Variants in CASZ1 observed in about 807,000 individuals in gnomAD.
CASZ1 encodes castor zinc finger 1.
CASZ1 carries 28 observed loss-of-function variants against 135.2 expected under a neutral mutation model. The ratio of observed to expected loss-of-function variants is 0.21; its 90% CI spans 0.15 to 0.28. The LOEUF (loss-of-function observed/expected upper bound fraction) is 0.28, where lower values mean the gene tolerates loss of function less well. Among genes scored for constraint, CASZ1 ranks in the 10% least tolerant of loss-of-function variants. CASZ1 has a pLI of 1.00. For missense variants in CASZ1, 2,161 were observed against 2,453.3 expected (o/e 0.88, Z 2.52); for synonymous variants, 1,068 against 1,073.4 (o/e 0.99, Z 0.10).
At position 10,709,363 on chromosome 1, in the gene CASZ1, G is replaced by A. The variant is rs892663029; in HGVS notation, c.-76-3819C>T. Among the ~76,000 whole-genome samples the A allele has an allele frequency of 2.6e-5, 4 of 152,062 alleles. No individual in the cohort carries two copies. Among genetic ancestry groups the A allele is most frequent in the Non-Finnish European group, 5.9e-5 (4 of 67,990 alleles). On this transcript the variant is annotated intron_variant, in intron 2 of 20. Transcript: ENST00000377022. This position sits in a 1 kb window ranked among gnomAD's most constrained non-coding sequence, Gnocchi z 5.1. ...GGCCAGCCCTTTCACAGGGGCTGGG[G>A]CCATGTCAGCCCGGCAGTGTGAGGA...
intron 17 of CASZ1, among the ~76,000 whole-genome samples, chr1:10,645,832 C>T (rs1356657264): frequency 8.5e-5 from 13 of 152,098 alleles, no homozygotes; most frequent in Non-Finnish European, 1.8e-4. Context: ...AAAAAGGGGG[C>T]ATAAAGCTAG....
intron 7 of CASZ1, 112 bp from the exon 8 acceptor site, chr1:10,656,848 G>A (rs1301655015): frequency 2.9e-6 from 2 of 697,716 alleles, no homozygotes; most frequent in Non-Finnish European, 5.0e-6. Context: ...ATGCAGAGGG[G>A]AGGTGAAGTT....
Position 10,777,523 on chromosome 1 carries a change from G to A in CASZ1, c.-233-16666C>T, listed in dbSNP as rs965055639. ...CCTGGGGCAGGGGACCAAGTGATAC[G>A]CGAAAAACAGACGGAAGACCCCGTT... On this transcript the variant is annotated intron_variant, in intron 1 of 20. Coordinates refer to ENST00000377022, the MANE Select transcript of CASZ1 (RefSeq NM_001079843.3). The surrounding 1 kb of genome is among the most constrained non-coding windows in gnomAD (Gnocchi z 4.4). Among the ~76,000 whole-genome samples, 3 of 152,194 alleles carry A rather than the reference G, an allele frequency of 2.0e-5. No individual in the cohort carries two copies. Among genetic ancestry groups the A allele is most frequent in the Admixed American group, 1.3e-4 (2 of 15,286 alleles).
rs1326182290 is a variant in CASZ1 at position 10,647,816 on chromosome 1, A to C, written c.3482T>G (p.Leu1161Arg). The C allele has an allele frequency of 6.2e-7, 1 of 1,613,528 alleles. No individual in the cohort carries two copies. The stretch of plus-strand genomic sequence containing the variant: ...AGGGACTCACTTCTCCTGGAACTGG[A>C]GGAATCCGGGTTTGACCTGGGGCTT... ...NAKPQVKPGF[L>R]QFQENDPCLA... Residue 1161 changes from leucine to arginine, a missense_variant, in exon 16 of 21, where the codon CTC becomes CGC. Transcript: ENST00000377022. The surrounding 1 kb of genome is among the most constrained non-coding windows in gnomAD (Gnocchi z 4.9).
chr1:10,678,513 G>T (rs546395927), intron 4 of CASZ1, among the ~76,000 whole-genome samples: 1 of 152,154 alleles, frequency 6.6e-6, no homozygotes, highest in Non-Finnish European at 1.5e-5. Context: ...GCCCGAGGCC[G>T]GGGCTGAAGA....
At position 10,726,794 on chromosome 1, in the gene CASZ1, T is replaced by G. The variant is rs1304551153; in HGVS notation, c.-76-21250A>C. On this transcript the variant is annotated intron_variant, in intron 2 of 20. Coordinates refer to ENST00000377022, the MANE Select transcript of CASZ1 (RefSeq NM_001079843.3). This position sits in a 1 kb window ranked among gnomAD's most constrained non-coding sequence, Gnocchi z 5.7. ...CTTGCTGCAGCAATCACCCAGGCCCTGAAGAGAGGCCAGGGAGAGGCTAGC... is the reference window on the plus strand; with the variant it reads ...CTTGCTGCAGCAATCACCCAGGCCCGGAAGAGAGGCCAGGGAGAGGCTAGC... Among the ~76,000 whole-genome samples the G allele has an allele frequency of 3.3e-5, 5 of 152,056 alleles. No homozygotes were observed. The highest frequency in any genetic ancestry group is 1.2e-4 in the African/African-American group (5 of 41,406).
At chr1:10,754,354 T>C (rs564441876) in intron 2 of CASZ1, among the ~76,000 whole-genome samples, 27 of 152,328 alleles carry the variant, frequency 1.8e-4, no homozygotes, top group Non-Finnish European at 3.5e-4. Flanking sequence ...TGGCCTCTTC[T>C]TCATTTCGAG....
chr1:10,645,160 G>T (rs1246548547), intron 17 of CASZ1, 72 bp from the exon 18 acceptor site: 35 of 1,327,668 alleles, frequency 2.6e-5, no homozygotes, highest in Non-Finnish European at 3.7e-5. Flanking sequence ...CGGGCCTGAG[G>T]CTGTGGTGGG....
intron 1 of CASZ1, among the ~76,000 whole-genome samples, chr1:10,789,902 T>C (rs1022199833): frequency 2.6e-5 from 4 of 152,200 alleles, no homozygotes; most frequent in African/African-American, 9.6e-5. Context: ...TTTTGCAGAA[T>C]TTACGACAGG....
rs1640229674 is a variant in CASZ1 at position 10,755,289 on chromosome 1, C to T, written c.-77+5412G>A. On this transcript the variant is annotated intron_variant, in intron 2 of 20. Coordinates refer to ENST00000377022, the MANE Select transcript of CASZ1 (RefSeq NM_001079843.3). This position sits in a 1 kb window ranked among gnomAD's most constrained non-coding sequence, Gnocchi z 4.3. ...AACAAAAGCACATGGGGGAACCTGG[C>T]AGGAGACCGGAGAGGAGGAGCTTGA... Among the ~76,000 whole-genome samples, 1 of 152,188 alleles carries T rather than the reference C, an allele frequency of 6.6e-6. No individual in the cohort carries two copies. The highest frequency in any genetic ancestry group is 1.5e-5 in the Non-Finnish European group (1 of 68,036).
In CASZ1 at chr1:10,725,889, T is replaced by G. The variant is rs905298172; in HGVS notation, c.-76-20345A>C. The stretch of plus-strand genomic sequence containing the variant: ...GGGCCAGAGGGCCTGCCGAATGTTC[T>G]AGAAGGATGGGCCGGACTTAGGAGG... On this transcript the variant is annotated intron_variant, in intron 2 of 20. Coordinates refer to ENST00000377022, the MANE Select transcript of CASZ1 (RefSeq NM_001079843.3). The surrounding 1 kb of genome is among the most constrained non-coding windows in gnomAD (Gnocchi z 4.4). Among the ~76,000 whole-genome samples the G allele has an allele frequency of 6.6e-6, 1 of 152,068 alleles. No individual in the cohort carries two copies. Among genetic ancestry groups the G allele is most frequent in the Non-Finnish European group, 1.5e-5 (1 of 67,996 alleles).
intron 1 of CASZ1, among the ~76,000 whole-genome samples, chr1:10,782,111 C>T (rs1319158151): frequency 6.6e-6 from 1 of 152,242 alleles, no homozygotes; most frequent in Non-Finnish European, 1.5e-5. Flanking sequence ...AAAGACGCTA[C>T]CCCTCTATAG....
At chr1:10,682,696 C>T (rs575105620) in intron 4 of CASZ1, among the ~76,000 whole-genome samples, 78 of 152,336 alleles carry the variant, frequency 5.1e-4, no homozygotes, top group African/African-American at 1.6e-3. Flanking sequence ...CCTGGGCCCC[C>T]CAGGGACCAG....
chr1:10,669,727 G>A (rs1363440212), intron 4 of CASZ1, among the ~76,000 whole-genome samples: 5 of 151,866 alleles, frequency 3.3e-5, no homozygotes, highest in African/African-American at 1.2e-4. Context: ...ACCGCCCATG[G>A]CCCTGGGTCT....
In CASZ1 at chr1:10,726,870, T is replaced by TGG. The variant is rs370867722; in HGVS notation, c.-76-21328_-76-21327dup. 3.4e-3 allele frequency among the ~76,000 whole-genome samples: 523 copies of TGG among 152,084 alleles called. 4 individuals are homozygous for TGG. The highest frequency in any genetic ancestry group is 0.012 in the African/African-American group (495 of 41,476). ...GTCTTCCCTGGCCTGCTCCGTGTCCTGGGGGAAATGGTTCAGGGAATGAAT... is the reference window on the plus strand; with the variant it reads ...GTCTTCCCTGGCCTGCTCCGTGTCCTGGGGGGGAAATGGTTCAGGGAATGAAT... On this transcript the variant is annotated intron_variant, in intron 2 of 20. Coordinates refer to ENST00000377022, the MANE Select transcript of CASZ1 (RefSeq NM_001079843.3). This position sits in a 1 kb window ranked among gnomAD's most constrained non-coding sequence, Gnocchi z 5.7.
Position 10,724,551 on chromosome 1 carries a change from G to A in CASZ1, c.-76-19007C>T, listed in dbSNP as rs1639561313. On this transcript the variant is annotated intron_variant, in intron 2 of 20. Transcript: ENST00000377022. This position sits in a 1 kb window ranked among gnomAD's most constrained non-coding sequence, Gnocchi z 4.1. ...AAATGGGTCAGGAAAGCAGAGAGAGGCTTTGGAGCCCAGGAATCACCTAGC... is the reference window on the plus strand; with the variant it reads ...AAATGGGTCAGGAAAGCAGAGAGAGACTTTGGAGCCCAGGAATCACCTAGC... Among the ~76,000 whole-genome samples, 1 of 152,218 alleles carries A rather than the reference G, an allele frequency of 6.6e-6. No homozygotes were observed. The highest frequency in any genetic ancestry group is 2.4e-5 in the African/African-American group (1 of 41,458).
chr1:10,710,347 C>A (rs974494578), intron 2 of CASZ1, among the ~76,000 whole-genome samples: 1 of 152,136 alleles, frequency 6.6e-6, no homozygotes, highest in Non-Finnish European at 1.5e-5. Context: ...TCTCTCAAGG[C>A]TCCAGGAGAA....
At chr1:10,789,310 C>G (rs1250548249) in intron 1 of CASZ1, among the ~76,000 whole-genome samples, 1 of 151,182 alleles carries the variant, frequency 6.6e-6, no homozygotes, top group Non-Finnish European at 1.5e-5. Flanking sequence ...TCCAGGCCTC[C>G]TGCTGAGCCT....
intron 1 of CASZ1, among the ~76,000 whole-genome samples, chr1:10,785,804 C>A (rs750172453): frequency 2.0e-5 from 3 of 152,252 alleles, no homozygotes. Flanking sequence ...CCTCCTCCTG[C>A]GCCCCTGCTA....
Sources: allele counts gnomAD v4.1 joint callset (sites outside exome capture counted in the v4.1 genomes callset), GRCh38; gene constraint gnomAD v4.1.1; non-coding constraint Gnocchi (gnomAD v3.1); transcripts MANE v1.5; gene names NCBI Gene and HGNC (gene_info 2026-07-23, HGNC 2026-07-21).